Variants in NEXMIF observed in about 807,000 individuals in gnomAD.
NEXMIF encodes neurite extension and migration factor, also known as XLMR protein related to neurite extension.
In NEXMIF, 8 loss-of-function variants were observed where a neutral mutation model predicts 62.1. The observed-to-expected ratio is 0.13, with a 90% CI of 0.08 to 0.23. The LOEUF is 0.23. Among genes scored for constraint, NEXMIF ranks in the 10% least tolerant of loss-of-function variants. The pLI, the probability that NEXMIF is intolerant of heterozygous loss-of-function variation, is 1.00. For synonymous variants in NEXMIF, 404 were observed against 416.6 expected (o/e 0.97, Z 0.37); for missense variants, 976 against 1,113.3 (o/e 0.88, Z 1.75).
chrX:74,791,211 T>C (rs1183963576), intron 1 of NEXMIF, among the ~76,000 whole-genome samples: 1 of 111,780 alleles, frequency 8.9e-6, no homozygotes, highest in Non-Finnish European at 1.9e-5. Context: ...TGTCAAAGGC[T>C]TTTTCTGCAT....
chrX:74,774,393 C>T (rs2080222450), intron 1 of NEXMIF, among the ~76,000 whole-genome samples: 1 of 111,706 alleles, frequency 9.0e-6, no homozygotes, highest in Admixed American at 9.5e-5. Context: ...CTTAACAGGG[C>T]TGTTGGGGGC....
At chrX:74,819,617 C>G (rs2147478535) in intron 1 of NEXMIF, among the ~76,000 whole-genome samples, 1 of 111,973 alleles carries the variant, frequency 8.9e-6, no homozygotes, top group South Asian at 3.7e-4. Flanking sequence ...TAGAGAAATG[C>G]AAATCAAAAC....
chrX:74,913,421 C>T (rs894409494), intron 1 of NEXMIF, among the ~76,000 whole-genome samples: 1 of 111,039 alleles, frequency 9.0e-6, no homozygotes, highest in Non-Finnish European at 1.9e-5. Flanking sequence ...ACTACAAAAA[C>T]AAGATCTAAG....
At chrX:74,883,066 C>A (rs187504932) in intron 1 of NEXMIF, among the ~76,000 whole-genome samples, 1 of 111,982 alleles carries the variant, frequency 8.9e-6, no homozygotes, top group African/African-American at 3.2e-5. Flanking sequence ...CAAACTCCAA[C>A]AGACCTGCAG....
chrX:74,874,364 G>A (rs1281742606), intron 1 of NEXMIF, among the ~76,000 whole-genome samples: 1 of 104,568 alleles, frequency 9.6e-6, no homozygotes, highest in Non-Finnish European at 2.0e-5. Flanking sequence ...CTCTGTTTTG[G>A]TACCAGTACC....
At chrX:74,870,761 G>A (rs1025757489) in intron 1 of NEXMIF, among the ~76,000 whole-genome samples, 3 of 111,661 alleles carry the variant, frequency 2.7e-5, no homozygotes, top group African/African-American at 9.8e-5. Context: ...ACTACAATAA[G>A]ATATCATCTC....
intron 1 of NEXMIF, among the ~76,000 whole-genome samples, chrX:74,805,850 T>C (rs2080343271): frequency 8.9e-6 from 1 of 112,216 alleles, no homozygotes; most frequent in Non-Finnish European, 1.9e-5. Context: ...TGTCTGTTTT[T>C]GTTGTTGTTG....
At chrX:74,767,428 A>G (rs2080198135) in intron 1 of NEXMIF, among the ~76,000 whole-genome samples, 1 of 111,711 alleles carries the variant, frequency 9.0e-6, no homozygotes, top group Non-Finnish European at 1.9e-5. Flanking sequence ...GCTGGCCTGA[A>G]CACACCAGTA....
rs1234288780 is a variant in NEXMIF, at chrX:74,741,111, A to C, written c.3446T>G (p.Leu1149Arg). Residue 1149 changes from leucine to arginine, a missense_variant, in exon 3 of 4, where the codon CTG becomes CGG. Coordinates refer to ENST00000055682, the MANE Select transcript of NEXMIF (RefSeq NM_001008537.3). ...HMFNDEDSVSLLQKNPCLSTF... is the reference protein window; with the variant it reads ...HMFNDEDSVSRLQKNPCLSTF... ...TGACAGGCAAGGGTTTTTTTGGAGC[A>C]GGCTGACAGAATCCTCATCATTGAA... The C allele has an allele frequency of 8.3e-7, 1 of 1,211,233 alleles. No homozygotes were observed. The highest frequency in any genetic ancestry group is 3.0e-5 in the East Asian group (1 of 33,828).
intron 1 of NEXMIF, among the ~76,000 whole-genome samples, chrX:74,835,371 A>C (rs1308920088): frequency 9.0e-6 from 1 of 111,018 alleles, no homozygotes; most frequent in East Asian, 2.8e-4. Flanking sequence ...GTAGATGTTC[A>C]CCGGTGTCTG....
At chrX:74,746,925 T>A (rs2080127641) in intron 1 of NEXMIF, among the ~76,000 whole-genome samples, 1 of 112,593 alleles carries the variant, frequency 8.9e-6, no homozygotes, top group Non-Finnish European at 1.9e-5. Flanking sequence ...TATGCTTACT[T>A]GTATTTACAC....
intron 1 of NEXMIF, among the ~76,000 whole-genome samples, chrX:74,895,337 C>T (rs1226618754): frequency 9.0e-6 from 1 of 111,731 alleles, no homozygotes; most frequent in Non-Finnish European, 1.9e-5. Context: ...AAAGATATTC[C>T]ATGTTTGTGG....
intron 1 of NEXMIF, among the ~76,000 whole-genome samples, chrX:74,872,178 G>A (rs1472012970): frequency 2.7e-5 from 3 of 110,960 alleles, no homozygotes; most frequent in Non-Finnish European, 3.8e-5. Flanking sequence ...CGGTCCCCCC[G>A]TTCAGGGTCC....
At chrX:74,807,568 T>A (rs2080348698) in intron 1 of NEXMIF, among the ~76,000 whole-genome samples, 2 of 111,007 alleles carry the variant, frequency 1.8e-5, no homozygotes, top group Non-Finnish European at 3.8e-5. Context: ...GTTCAAGCGA[T>A]TCTCCTGCCT....
chrX:74,796,145 A>G, intron 1 of NEXMIF, among the ~76,000 whole-genome samples: 1 of 75,024 alleles, frequency 1.3e-5, no homozygotes, highest in South Asian at 5.6e-4. Flanking sequence ...TATATATATT[A>G]TATATATACA....
At chrX:74,834,122 G>A (rs1375909775) in intron 1 of NEXMIF, among the ~76,000 whole-genome samples, 2 of 75,927 alleles carry the variant, frequency 2.6e-5, no homozygotes, top group African/African-American at 1.1e-4. Context: ...CAACAAGAGC[G>A]AAACTCCATC....
rs759636027 is a variant in NEXMIF at position 74,840,360 on chromosome X, T to C, written c.-48+84523A>G. ...CAAATATGTTCTCCCATTCTGTAGG[T>C]TGCAAAAAAATCAGAGAGGACACAA... On this transcript the variant is annotated intron_variant, in intron 1 of 3. Coordinates refer to ENST00000055682, the MANE Select transcript of NEXMIF (RefSeq NM_001008537.3). Among the ~76,000 whole-genome samples the C allele has an allele frequency of 4.5e-5, 5 of 111,198 alleles. No homozygotes were observed. In the East Asian group the frequency reaches 1.4e-3, roughly 31 times the overall value.
At chrX:74,769,665 C>T in intron 1 of NEXMIF, 2 of 710,712 alleles carry the variant, frequency 2.8e-6, no homozygotes, top group Non-Finnish European at 4.5e-6. Context: ...AACTCTGTGG[C>T]AAGGCTGGAA....
At chrX:74,855,951 A>T (rs988053343) in intron 1 of NEXMIF, among the ~76,000 whole-genome samples, 2 of 112,439 alleles carry the variant, frequency 1.8e-5, no homozygotes, top group African/African-American at 6.5e-5. Context: ...AGATAGGAAA[A>T]GAATCTGATT....
Sources: allele counts gnomAD v4.1 joint callset (sites outside exome capture counted in the v4.1 genomes callset), GRCh38; gene constraint gnomAD v4.1.1; transcripts MANE v1.5; gene names NCBI Gene and HGNC (gene_info 2026-07-23, HGNC 2026-07-21).